MAGI1: variants seen among roughly 807,000 people sequenced by gnomAD.
MAGI1 encodes membrane-associated guanylate kinase, WW and PDZ domain-containing protein 1.
Under a neutral mutation model 139.9 loss-of-function variants are expected in MAGI1, and 58 were observed. The observed-to-expected ratio is 0.41, with a 90% confidence interval of 0.34 to 0.52. The LOEUF is 0.52. MAGI1 is among the 20% of genes least tolerant of loss of function. The probability of loss-of-function intolerance (pLI) is 0.12; values close to 1 mark genes in which losing one functional copy is unlikely to be tolerated. For synonymous variants in MAGI1, 812 were observed against 737.9 expected, an observed-to-expected ratio of 1.10 and a Z score of -1.63; for missense variants, 1,874 against 1,901.6, an observed-to-expected ratio of 0.99 and a Z score of 0.27.
rs543163817 is a variant in MAGI1, at chr3:65,929,117, G to A, written c.313+108879C>T. 2.6e-5 allele frequency among the ~76,000 whole-genome samples: 4 copies of A among 151,130 alleles called. No homozygotes were observed. The East Asian group carries it at 7.8e-4, about 30-fold the overall frequency. On this transcript the variant is annotated intron_variant, in intron 1 of 22. Transcript: ENST00000402939. The stretch of plus-strand genomic sequence containing the variant: ...TGCAGTGAGCCATGATCCTGCCGGT[G>A]CACCCCAGCCTGAGTGACAAAGGGA...
chr3:65,770,167 C>T (rs1382420926), intron 1 of MAGI1, among the ~76,000 whole-genome samples: 1 of 152,174 alleles, frequency 6.6e-6, no homozygotes, highest in South Asian at 2.1e-4. Context: ...TAGACTCCTG[C>T]CTGCGGAAAT....
At chr3:65,788,766 A>G (rs2039562165) in intron 1 of MAGI1, among the ~76,000 whole-genome samples, 1 of 152,336 alleles carries the variant, frequency 6.6e-6, no homozygotes, top group African/African-American at 2.4e-5. Flanking sequence ...TATTAGCTCA[A>G]TACTAGCCAT....
intron 1 of MAGI1, among the ~76,000 whole-genome samples, chr3:65,785,139 A>C (rs890773624): frequency 1.4e-4 from 21 of 152,256 alleles, no homozygotes; most frequent in Admixed American, 2.6e-4. Context: ...ACCGCTATTT[A>C]AAATGTGATT....
chr3:65,403,535 A>G (rs12107480), intron 12 of MAGI1, among the ~76,000 whole-genome samples: 3,614 of 152,264 alleles, frequency 0.024, 146 homozygotes, highest in African/African-American at 0.082. Context: ...ATAAGATGAC[A>G]TCTTTAAATT....
chr3:65,666,748 A>T (rs746926569), intron 1 of MAGI1, among the ~76,000 whole-genome samples: 1 of 152,154 alleles, frequency 6.6e-6, no homozygotes, highest in African/African-American at 2.4e-5. Flanking sequence ...CCTCATGGCC[A>T]TCTCCACATT....
At chr3:65,965,538 A>G (rs1478813933) in intron 1 of MAGI1, among the ~76,000 whole-genome samples, 2 of 152,204 alleles carry the variant, frequency 1.3e-5, no homozygotes, top group Non-Finnish European at 2.9e-5. Context: ...CACCTGATAG[A>G]GACTTACTTG....
chr3:65,821,083 C>T (rs1221335060), intron 1 of MAGI1, among the ~76,000 whole-genome samples: 2 of 151,962 alleles, frequency 1.3e-5, no homozygotes, highest in Non-Finnish European at 2.9e-5. Flanking sequence ...CTAGGAGGCT[C>T]TTGGGGGAAG....
chr3:65,846,182 A>G (rs1181618979), intron 1 of MAGI1, among the ~76,000 whole-genome samples: 1 of 152,162 alleles, frequency 6.6e-6, no homozygotes, highest in African/African-American at 2.4e-5. Flanking sequence ...AGCCCCTCCA[A>G]CAGAAGGCAG....
At chr3:65,462,619 A>G (rs1248447261) in intron 5 of MAGI1, among the ~76,000 whole-genome samples, 1 of 152,210 alleles carries the variant, frequency 6.6e-6, no homozygotes, top group Non-Finnish European at 1.5e-5. Context: ...CTGGTTCTAT[A>G]TGAAATTTAA....
intron 1 of MAGI1, among the ~76,000 whole-genome samples, chr3:65,658,620 T>C (rs972616830): frequency 2.0e-5 from 3 of 152,158 alleles, no homozygotes; most frequent in Admixed American, 2.0e-4. Flanking sequence ...ATTCTGCATG[T>C]CTAAAAAGCT....
In MAGI1 at chr3:65,383,556, C is replaced by G. The variant is rs1263951911; in HGVS notation, c.2484G>C (p.Leu828=). 5.6e-6 allele frequency: 9 copies of G among 1,613,800 alleles called. No homozygotes were observed. The highest frequency in any genetic ancestry group is 1.7e-5 in the Admixed American group (1 of 60,014). ...RKETGFGFRI[L]GGNEPGEPIY... is the part of the protein sequence containing the mutation. The stretch of plus-strand genomic sequence containing the variant: ...CAGGTTCCCCTGGTTCATTTCCACC[C>G]AGAATCCTAAATCCAAATCCAGTCT... The change falls in exon 15 of 23, where the codon CTG becomes CTC. Residue 828 remains leucine (L), a synonymous_variant. Transcript: ENST00000402939.
intron 1 of MAGI1, among the ~76,000 whole-genome samples, chr3:65,843,294 T>A (rs2058872391): frequency 6.6e-6 from 1 of 152,256 alleles, no homozygotes; most frequent in East Asian, 1.9e-4. Flanking sequence ...GCAAGGACTG[T>A]CAACCAGGAG....
At chr3:65,651,957 T>C (rs142135150) in intron 1 of MAGI1, among the ~76,000 whole-genome samples, 72 of 152,300 alleles carry the variant, frequency 4.7e-4, no homozygotes, top group African/African-American at 1.6e-3. Context: ...GTATCTTCTC[T>C]AGCTATTATG....
chr3:65,796,653 A>C (rs2040169377), intron 1 of MAGI1, among the ~76,000 whole-genome samples: 1 of 152,248 alleles, frequency 6.6e-6, no homozygotes, highest in African/African-American at 2.4e-5. Context: ...AAATCTTTTT[A>C]AATGCCTAAA....
intron 2 of MAGI1, among the ~76,000 whole-genome samples, chr3:65,615,145 A>G (rs1576486589): frequency 6.6e-6 from 1 of 152,216 alleles, no homozygotes; most frequent in Non-Finnish European, 1.5e-5. Context: ...CTTGTAATAA[A>G]TGGCATAATC....
intron 2 of MAGI1, among the ~76,000 whole-genome samples, chr3:65,605,358 C>G (rs987650240): frequency 6.6e-6 from 1 of 152,150 alleles, no homozygotes; most frequent in African/African-American, 2.4e-5. Context: ...TGAAACTTTA[C>G]ACTACACTCA....
At chr3:65,430,413 A>G (rs1439325909) in intron 11 of MAGI1, among the ~76,000 whole-genome samples, 1 of 152,114 alleles carries the variant, frequency 6.6e-6, no homozygotes, top group Non-Finnish European at 1.5e-5. Context: ...CCAAGTTTAG[A>G]ATTCATTTAT....
intron 1 of MAGI1, among the ~76,000 whole-genome samples, chr3:66,000,970 T>A (rs1384316181): frequency 6.6e-6 from 1 of 152,242 alleles, no homozygotes; most frequent in East Asian, 1.9e-4. Flanking sequence ...TCGGCATGTA[T>A]TAAGATATTA....
chr3:65,364,028 AG>A (rs777295263), intron 20 of MAGI1, among the ~76,000 whole-genome samples: 6 of 152,018 alleles, frequency 3.9e-5, no homozygotes, highest in South Asian at 4.1e-4. Context: ...GATAACTGAA[AG>A]CCCCCAGGCA....
Sources: allele counts gnomAD v4.1 joint callset (sites outside exome capture counted in the v4.1 genomes callset), GRCh38; gene constraint gnomAD v4.1.1; transcripts MANE v1.5; gene names NCBI Gene and HGNC (gene_info 2026-07-23, HGNC 2026-07-21).